IL23R: variants seen among roughly 807,000 people sequenced by gnomAD.
IL23R encodes interleukin 23 receptor.
A neutral mutation model predicts 56.9 loss-of-function variants in IL23R; 34 were observed. That is an observed-to-expected ratio of 0.60 (90% confidence interval 0.45 to 0.80). The LOEUF is 0.80. IL23R is among the 30% of genes least tolerant of loss of function. IL23R has a pLI of 0.00. For synonymous variants in IL23R, 230 were observed against 249.2 expected (o/e 0.92, Z 0.73); for missense variants, 635 against 730.0 (o/e 0.87, Z 1.50).
At chr1:67,179,364 G>A (rs1308707406) in intron 3 of IL23R, among the ~76,000 whole-genome samples, 1 of 152,100 alleles carries the variant, frequency 6.6e-6, no homozygotes, top group African/African-American at 2.4e-5. Context: ...ATGCGTCCAG[G>A]AATTTATCCA....
rs376903934 is a variant in IL23R at position 67,180,359 on chromosome 1, T to C, written c.368-2477T>C. ...TAGCTCTTCTTGTTGAATTGATCCC[T>C]TTACCATTATGTAATGGCCTTTTTT... On this transcript the variant is annotated intron_variant, in intron 3 of 10. Transcript: ENST00000347310. Among the ~76,000 whole-genome samples, 133 of 152,294 alleles carry C rather than the reference T, an allele frequency of 8.7e-4. No homozygotes were observed. The South Asian group carries it at 0.013, about 15-fold the overall frequency.
In IL23R at chr1:67,219,592, A is replaced by G. The variant is rs1650107844; in HGVS notation, c.817A>G (p.Asn273Asp). The G allele has an allele frequency of 6.2e-7, 1 of 1,613,896 alleles. No individual in the cohort carries two copies. The highest frequency in any genetic ancestry group is 1.7e-5 in the Admixed American group (1 of 60,014). ...QTWNVKEFDT[N>D]FTYVQQSEFY... ...ATTTTAGGTTAAAGAATTTGACACCAATTTTACATATGTGCAACAGTCAGA... is the reference window on the plus strand; with the variant it reads ...ATTTTAGGTTAAAGAATTTGACACCGATTTTACATATGTGCAACAGTCAGA... Residue 273 changes from asparagine to aspartate, a missense_variant, in exon 7 of 11, where the codon AAT (asparagine) becomes GAT (aspartate). Transcript: ENST00000347310.
intron 1 of IL23R, among the ~76,000 whole-genome samples, chr1:67,156,415 C>T (rs1294506542): frequency 6.6e-6 from 1 of 152,188 alleles, no homozygotes; most frequent in Non-Finnish European, 1.5e-5. Context: ...CTGCAGCTGT[C>T]CCCTCCCTCC....
the IL23R span, among the ~76,000 whole-genome samples, chr1:67,265,433 T>A: frequency 6.6e-6 from 1 of 152,228 alleles, no homozygotes; most frequent in Non-Finnish European, 1.5e-5. Flanking sequence ...AAATATGATA[T>A]TGTCCTATGA....
At chr1:67,214,739 C>G (rs1308370838) in intron 6 of IL23R, among the ~76,000 whole-genome samples, 2 of 152,116 alleles carry the variant, frequency 1.3e-5, no homozygotes, top group Non-Finnish European at 2.9e-5. Context: ...TCTACTGCTA[C>G]GATTGAGGGA....
At chr1:67,194,624 A>G (rs1647998347) in intron 4 of IL23R, among the ~76,000 whole-genome samples, 1 of 152,212 alleles carries the variant, frequency 6.6e-6, no homozygotes, top group Non-Finnish European at 1.5e-5. Flanking sequence ...CTTAGTAACT[A>G]TGGTTACTGT....
chr1:67,219,126 G>A (rs914366577), intron 6 of IL23R, among the ~76,000 whole-genome samples: 5 of 151,926 alleles, frequency 3.3e-5, no homozygotes, highest in African/African-American at 9.7e-5. Flanking sequence ...CAGCACTTTG[G>A]GAGGCCAAGG....
intron 7 of IL23R, among the ~76,000 whole-genome samples, chr1:67,226,627 C>T (rs1208479995): frequency 6.6e-6 from 1 of 152,204 alleles, no homozygotes; most frequent in Non-Finnish European, 1.5e-5. Flanking sequence ...CGGGGCATAG[C>T]AGGCCAAAAG....
At chr1:67,176,559 G>T (rs1026755211) in intron 3 of IL23R, among the ~76,000 whole-genome samples, 1 of 151,964 alleles carries the variant, frequency 6.6e-6, no homozygotes, top group African/African-American at 2.4e-5. Context: ...ATCAGGTAAA[G>T]CTAATGATTA....
intron 9 of IL23R, among the ~76,000 whole-genome samples, chr1:67,254,544 C>CA (rs916393454): frequency 2.7e-5 from 4 of 150,842 alleles, no homozygotes; most frequent in Admixed American, 6.6e-5. Flanking sequence ...AAAACAACAA[C>CA]AAAAAAAATG....
chr1:67,255,417 C>T (rs11465819), intron 9 of IL23R, among the ~76,000 whole-genome samples: 2,473 of 152,116 alleles, frequency 0.016, 77 homozygotes, highest in African/African-American at 0.057. Flanking sequence ...ACTTTAGCCT[C>T]GGCATCAGGA....
At chr1:67,222,084 CTCTT>C (rs1312505981) in intron 7 of IL23R, among the ~76,000 whole-genome samples, 129 of 123,704 alleles carry the variant, frequency 1.0e-3, no homozygotes, top group African/African-American at 3.0e-3. Flanking sequence ...GAATCCTTTT[CTCTT>C]TCTTTCTTTC....
chr1:67,203,532 T>G (rs1416468062), intron 5 of IL23R, among the ~76,000 whole-genome samples: 1 of 151,930 alleles, frequency 6.6e-6, no homozygotes, highest in Non-Finnish European at 1.5e-5. Context: ...CCTCCCCTTT[T>G]GTCTCTATTC....
At chr1:67,198,369 CAG>C (rs1648335026) in intron 4 of IL23R, among the ~76,000 whole-genome samples, 1 of 152,232 alleles carries the variant, frequency 6.6e-6, no homozygotes, top group African/African-American at 2.4e-5. Flanking sequence ...GATTTAAAAA[CAG>C]AGGCTCAAAC....
downstream of IL23R, among the ~76,000 whole-genome samples, chr1:67,261,317 CTTT>C (rs34805261): frequency 6.8e-5 from 9 of 131,588 alleles, no homozygotes; most frequent in Non-Finnish European, 4.9e-5. Flanking sequence ...AGAAATTTAT[CTTT>C]TTTTTTTTTT....
chr1:67,216,689 A>T (rs1649857126), intron 6 of IL23R, among the ~76,000 whole-genome samples: 1 of 152,170 alleles, frequency 6.6e-6, no homozygotes, highest in African/African-American at 2.4e-5. Context: ...TTTTAAAAAA[A>T]ATTTCTTTCA....
rs545141199 is a variant in IL23R, at chr1:67,219,691, C to T, written c.916C>T (p.Pro306Ser). 5.6e-5 allele frequency: 90 copies of T among 1,613,984 alleles called. 1 individual carries two copies. The South Asian group carries it at 9.3e-4, about 17-fold the overall frequency. Reference sequence around the variant, plus strand: ...AGAAACAGGCAAAAGGTACTGGCAGCCTTGGAGTTCACTGTTTTTTCATAA... The same window carrying T: ...AGAAACAGGCAAAAGGTACTGGCAGTCTTGGAGTTCACTGTTTTTTCATAA... ...CQETGKRYWQ[P>S]WSSLFFHKTP... The change falls in exon 7 of 11, where the codon CCT (proline) becomes TCT (serine). Residue 306 changes from proline to serine, a missense_variant. Physicochemically the swap from Pro to Ser is moderately conservative, Grantham distance 74. Coordinates refer to ENST00000347310, the MANE Select transcript of IL23R (RefSeq NM_144701.3).
chr1:67,158,215 C>CAA (rs200105938), intron 1 of IL23R, among the ~76,000 whole-genome samples: 2,743 of 129,990 alleles, frequency 0.021, 77 homozygotes, highest in African/African-American at 0.074. Context: ...GACTCCATGT[C>CAA]AAAAAAAAAA....
At chr1:67,184,318 G>A (rs1647215439) in intron 4 of IL23R, among the ~76,000 whole-genome samples, 1 of 151,980 alleles carries the variant, frequency 6.6e-6, no homozygotes, top group Non-Finnish European at 1.5e-5. Flanking sequence ...GGCTGAGGTG[G>A]GTGCATCACC....
Sources: allele counts gnomAD v4.1 joint callset (sites outside exome capture counted in the v4.1 genomes callset), GRCh38; gene constraint gnomAD v4.1.1; transcripts MANE v1.5; gene names NCBI Gene and HGNC (gene_info 2026-07-23, HGNC 2026-07-21).